SV2C: variants seen among roughly 807,000 people sequenced by gnomAD.
SV2C encodes the protein solute carrier family 22 member B3.
In SV2C, 49 loss-of-function variants were observed where a neutral mutation model predicts 79.7. The observed-to-expected ratio is 0.61, with a 90% CI of 0.49 to 0.78. The LOEUF (loss-of-function observed/expected upper bound fraction) is 0.78, where lower values mean the gene tolerates loss of function less well. Among genes scored for constraint, SV2C ranks in the 30% least tolerant of loss-of-function variants. SV2C has a pLI of 0.00. For synonymous variants in SV2C, 334 were observed against 333.2 expected (o/e 1.00, Z -0.03); for missense variants, 833 against 912.9 (o/e 0.91, Z 1.13).
Position 76,237,989 on chromosome 5 carries a change from CACAT to C in SV2C, c.913+28120_913+28123del, listed in dbSNP as rs138814817. Among the ~76,000 whole-genome samples, 390 of 150,046 alleles carry C rather than the reference CACAT, an allele frequency of 2.6e-3. 4 individuals are homozygous for C. Among genetic ancestry groups the C allele is most frequent in the African/African-American group, 7.9e-3 (325 of 41,026 alleles). The stretch of plus-strand genomic sequence containing the variant: ...GGACTAACACACACACACACACACA[CACAT>C]ACATACATACATACATATACACACA... On this transcript the variant is annotated intron_variant, in intron 4 of 12. Coordinates refer to ENST00000502798, the MANE Select transcript of SV2C (RefSeq NM_014979.4).
At chr5:76,024,681 G>A in the SV2C span, among the ~76,000 whole-genome samples, 3 of 151,926 alleles carry the variant, frequency 2.0e-5, no homozygotes, top group Admixed American at 1.3e-4. Context: ...AAAATATATT[G>A]TGCCCCAGTG....
chr5:75,971,194 C>T, the SV2C span, among the ~76,000 whole-genome samples: 4 of 151,898 alleles, frequency 2.6e-5, no homozygotes, highest in Admixed American at 2.0e-4. Context: ...AAGAGCTATC[C>T]ATGACAAACC....
the SV2C span, among the ~76,000 whole-genome samples, chr5:76,073,888 A>T: frequency 0.49 from 74,991 of 151,732 alleles, 18,773 homozygotes; most frequent in East Asian, 0.72. Context: ...GCCCCCTAAA[A>T]ACCTATTGAA....
At chr5:76,052,055 A>G in the SV2C span, among the ~76,000 whole-genome samples, 1 of 152,248 alleles carries the variant, frequency 6.6e-6, no homozygotes, top group Admixed American at 6.5e-5. Context: ...TCATCTCCCA[A>G]AGTTTCCCTC....
At chr5:76,203,197 T>G (rs751212599) in intron 3 of SV2C, among the ~76,000 whole-genome samples, 1 of 152,164 alleles carries the variant, frequency 6.6e-6, no homozygotes, top group Non-Finnish European at 1.5e-5. Context: ...TATGCACTCT[T>G]TAGAATTCAC....
At chr5:76,206,510 C>G (rs1744613171) in intron 3 of SV2C, among the ~76,000 whole-genome samples, 1 of 152,180 alleles carries the variant, frequency 6.6e-6, no homozygotes, top group South Asian at 2.1e-4. Context: ...GTCTAGCACC[C>G]TCAACTTCTA....
downstream of SV2C, among the ~76,000 whole-genome samples, chr5:76,338,549 TCTG>T (rs1749371104): frequency 6.6e-6 from 1 of 152,318 alleles, no homozygotes; most frequent in Admixed American, 6.5e-5. Context: ...CCCACTGCAG[TCTG>T]CTGCTGCTAA....
chr5:75,865,778 C>A, the SV2C span, among the ~76,000 whole-genome samples: 1 of 152,176 alleles, frequency 6.6e-6, no homozygotes, highest in East Asian at 1.9e-4. Flanking sequence ...CCACGTAGAA[C>A]GTTAATGCCC....
chr5:75,930,474 G>A, the SV2C span, among the ~76,000 whole-genome samples: 65 of 152,288 alleles, frequency 4.3e-4, no homozygotes, highest in African/African-American at 1.5e-3. Flanking sequence ...CATACAAAAG[G>A]TCTCAGTGAC....
the SV2C span, chr5:75,910,941 G>A: frequency 3.9e-5 from 36 of 914,158 alleles, no homozygotes; most frequent in South Asian, 4.4e-4. Flanking sequence ...TCAAGCAGCA[G>A]CAGGCTCTCT....
chr5:76,257,373 GGT>G (rs549960320), intron 4 of SV2C, among the ~76,000 whole-genome samples: 178 of 151,534 alleles, frequency 1.2e-3, no homozygotes, highest in African/African-American at 4.2e-3. Flanking sequence ...TATGTGTTGG[GGT>G]GTGGGGGGTG....
At chr5:75,924,097 G>T in the SV2C span, among the ~76,000 whole-genome samples, 1 of 152,168 alleles carries the variant, frequency 6.6e-6, no homozygotes, top group East Asian at 1.9e-4. Context: ...ATAAAAGAAT[G>T]TCTTTTGCAG....
rs1003543929 is a variant in SV2C, at chr5:76,333,820, T to C, written c.*8273T>C. On this transcript the variant is annotated 3_prime_UTR_variant, in exon 13 of 13. Transcript: ENST00000502798. ...CATGTGGGATGGCTCGTGTACAGCA[T>C]AAATCTATCAAACTTGGAATTGTGT... The C allele has an allele frequency of 6.6e-6, 1 of 152,236 alleles. No homozygotes were observed. The highest frequency in any genetic ancestry group is 1.9e-4 in the East Asian group (1 of 5,200). 9.4% of individuals were successfully genotyped at this position (152,236 alleles called of 1,614,324 possible).
intron 2 of SV2C, chr5:76,173,833 C>T: frequency 1.3e-6 from 2 of 1,597,912 alleles, no homozygotes; most frequent in South Asian, 1.1e-5. Flanking sequence ...CCAAGTCACA[C>T]TTATTACCAA....
intron 1 of SV2C, among the ~76,000 whole-genome samples, chr5:76,117,283 T>C (rs761599512): frequency 2.6e-4 from 40 of 152,244 alleles, no homozygotes; most frequent in Non-Finnish European, 5.4e-4. Context: ...ATTTTCTATA[T>C]ATAGGTATGT....
chr5:76,124,089 A>G (rs1000945629), intron 1 of SV2C, among the ~76,000 whole-genome samples: 1 of 152,158 alleles, frequency 6.6e-6, no homozygotes, highest in African/African-American at 2.4e-5. Flanking sequence ...ACTTTCCCCC[A>G]ATTTTATTGT....
the SV2C span, among the ~76,000 whole-genome samples, chr5:75,991,710 A>G: frequency 2.0e-5 from 3 of 151,082 alleles, no homozygotes; most frequent in African/African-American, 7.3e-5. Flanking sequence ...ATAGATATAT[A>G]TATGCAAAAC....
chr5:75,980,538 C>G, the SV2C span, among the ~76,000 whole-genome samples: 1 of 151,982 alleles, frequency 6.6e-6, no homozygotes, highest in Non-Finnish European at 1.5e-5. Flanking sequence ...GCTTCATCCC[C>G]GGGATACAAG....
chr5:76,088,616 AC>A (rs1252812250), intron 1 of SV2C, among the ~76,000 whole-genome samples: 1 of 152,160 alleles, frequency 6.6e-6, no homozygotes, highest in Admixed American at 6.5e-5. Flanking sequence ...ATACTATCAC[AC>A]TGGGGAGTAA....
Sources: gnomAD v4.1 joint callset for allele counts (sites outside exome capture counted in the v4.1 genomes callset) on GRCh38, gnomAD v4.1.1 for gene constraint, MANE v1.5 for transcripts, NCBI Gene and HGNC (gene_info 2026-07-23, HGNC 2026-07-21) for gene names.